Variants in DTNBP1 observed in about 807,000 individuals in gnomAD.
The protein encoded by DTNBP1 is dysbindin.
In DTNBP1, 35 loss-of-function variants were observed where a neutral mutation model predicts 42.8. The observed-to-expected ratio is 0.82, with a 90% CI of 0.63 to 1.09. DTNBP1 has a LOEUF of 1.09. DTNBP1 is among the 50% of genes least tolerant of loss of function. The pLI, the probability that DTNBP1 is intolerant of heterozygous loss-of-function variation, is 0.00. For missense variants in DTNBP1, 457 were observed against 424.2 expected (o/e 1.08, Z -0.68); for synonymous variants, 171 against 162.2 (o/e 1.05, Z -0.41).
intron 7 of DTNBP1, among the ~76,000 whole-genome samples, chr6:15,576,717 C>A (rs1168826394): frequency 6.8e-6 from 1 of 147,270 alleles, no homozygotes; most frequent in South Asian, 2.2e-4. Context: ...TGCAGTGAGC[C>A]GAGATCACAC....
At position 15,647,675 on chromosome 6, in the gene DTNBP1, A is replaced by G. The variant is rs141642240; in HGVS notation, c.161+3638T>C. On this transcript the variant is annotated intron_variant, in intron 3 of 9. Coordinates refer to ENST00000344537, the MANE Select transcript of DTNBP1 (RefSeq NM_032122.5). ...AGTGCTATGAACAATGTATGCTAAC[A>G]AACTGTATAACCTAGCTGAAGTGGA... Among the ~76,000 whole-genome samples, 404 of 152,024 alleles carry G rather than the reference A, an allele frequency of 2.7e-3. 3 individuals carry two copies. The highest frequency in any genetic ancestry group is 9.6e-3 in the African/African-American group (397 of 41,544).
At chr6:15,592,688 C>T (rs1037471619) in intron 7 of DTNBP1, among the ~76,000 whole-genome samples, 3 of 152,160 alleles carry the variant, frequency 2.0e-5, no homozygotes, top group African/African-American at 7.2e-5. Context: ...TCAGGAGGTT[C>T]GAGTGACTGC....
intron 3 of DTNBP1, among the ~76,000 whole-genome samples, chr6:15,643,513 A>T (rs974388987): frequency 6.6e-6 from 1 of 152,160 alleles, no homozygotes; most frequent in Admixed American, 6.5e-5. Context: ...TCAACATGAA[A>T]GCAAAAATCA....
intron 7 of DTNBP1, among the ~76,000 whole-genome samples, chr6:15,542,082 T>G (rs1173082332): frequency 6.6e-6 from 1 of 152,206 alleles, no homozygotes; most frequent in African/African-American, 2.4e-5. Flanking sequence ...TAAATAAGAC[T>G]AAGAATAAAC....
Position 15,522,822 on chromosome 6 carries a change from C to CT in DTNBP1, c.*152dup. The stretch of plus-strand genomic sequence containing the variant: ...GCGCTCTCAGTTTACCGTCCTCACA[C>CT]TTTATTGTTAGCTGTTCTTTAAGTT... On this transcript the variant is annotated 3_prime_UTR_variant, in exon 10 of 10. Transcript: ENST00000344537. 7.3e-7 allele frequency: 1 copy of CT among 1,375,406 alleles called. No homozygotes were observed. The highest frequency in any genetic ancestry group is 1.0e-6 in the Non-Finnish European group (1 of 987,500). The allele number at this position is 1,375,406 out of a possible 1,614,324, so 85.2% of individuals were successfully genotyped here.
In DTNBP1 at chr6:15,548,474, CACACA is replaced by C. The variant is rs1561951631; in HGVS notation, c.512-15084_512-15080del. 7.9e-5 allele frequency: 12 copies of C among 151,766 alleles called. No homozygotes were observed. In the South Asian group the frequency reaches 8.4e-4, roughly 11 times the overall value. The allele number at this position is 151,766 out of a possible 1,614,324, so 9.4% of individuals were successfully genotyped here. The stretch of plus-strand genomic sequence containing the variant: ...ACACACACACACACACACACACACA[CACACA>C]CACCACAATTCTTCCCATGTATAAC... On this transcript the variant is annotated intron_variant, in intron 7 of 9. Coordinates refer to ENST00000344537, the MANE Select transcript of DTNBP1 (RefSeq NM_032122.5).
At chr6:15,660,508 C>T in intron 1 of DTNBP1, 3 of 1,289,764 alleles carry the variant, frequency 2.3e-6, no homozygotes, top group Non-Finnish European at 3.0e-6. Flanking sequence ...AGTGGTTTGT[C>T]AGCTGAAAGT....
intron 5 of DTNBP1, among the ~76,000 whole-genome samples, chr6:15,617,747 T>C (rs962624459): frequency 2.0e-5 from 3 of 152,170 alleles, no homozygotes; most frequent in African/African-American, 7.2e-5. Context: ...AAGACTTAAA[T>C]GTAAGAGCTG....
chr6:15,561,550 G>A (rs1260781402), intron 7 of DTNBP1, among the ~76,000 whole-genome samples: 3 of 152,152 alleles, frequency 2.0e-5, no homozygotes, highest in East Asian at 3.9e-4. Flanking sequence ...ATAGTTGGGC[G>A]GGAATATCAT....
intron 6 of DTNBP1, among the ~76,000 whole-genome samples, chr6:15,612,571 A>C (rs918074684): frequency 1.3e-5 from 2 of 152,266 alleles, no homozygotes; most frequent in African/African-American, 4.8e-5. Context: ...TTATAGCTGC[A>C]CAAGTAATAA....
chr6:15,524,493 C>T, intron 9 of DTNBP1, 33 bp downstream of exon 9: 1 of 1,610,364 alleles, frequency 6.2e-7, no homozygotes, highest in Middle Eastern at 1.7e-4. Flanking sequence ...CGATACTGCC[C>T]TGGTTCAGCT....
rs149346386 is a variant in DTNBP1 at position 15,615,340 on chromosome 6, A to G, written c.415T>C (p.Cys139Arg). The change falls in exon 6 of 10, where the codon TGT becomes CGT. Residue 139 changes from cysteine to arginine, a missense_variant. By Grantham distance (180) the Cys-to-Arg change is radical. Coordinates refer to ENST00000344537, the MANE Select transcript of DTNBP1 (RefSeq NM_032122.5). ...CATCTTTCTAATTCACACTGCCCACATAAGTCTTCCAGATGCAGCAGGTTG... is the reference window on the plus strand; with the variant it reads ...CATCTTTCTAATTCACACTGCCCACGTAAGTCTTCCAGATGCAGCAGGTTG... ...ENNLLHLEDL[C>R]GQCELERCKH... 24 of 1,614,040 alleles carry G rather than the reference A, an allele frequency of 1.5e-5. No individual in the cohort carries two copies. The African/African-American group carries it at 2.3e-4, about 15-fold the overall frequency.
chr6:15,547,421 G>A (rs190062060), intron 7 of DTNBP1, among the ~76,000 whole-genome samples: 3 of 152,212 alleles, frequency 2.0e-5, no homozygotes, highest in Admixed American at 2.0e-4. Flanking sequence ...GAGAACCACT[G>A]CTCTAGACGA....
At chr6:15,655,700 T>G (rs572504148) in intron 1 of DTNBP1, among the ~76,000 whole-genome samples, 5 of 151,828 alleles carry the variant, frequency 3.3e-5, no homozygotes, top group African/African-American at 1.2e-4. Flanking sequence ...TAGTCATCTT[T>G]TTGCCTGCTA....
intron 1 of DTNBP1, among the ~76,000 whole-genome samples, chr6:15,658,073 G>A (rs1015996957): frequency 6.6e-6 from 1 of 152,152 alleles, no homozygotes; most frequent in Non-Finnish European, 1.5e-5. Context: ...GGCATCTGGT[G>A]GACAGAGACT....
intron 7 of DTNBP1, among the ~76,000 whole-genome samples, chr6:15,575,856 G>A (rs1775538320): frequency 6.6e-6 from 1 of 152,186 alleles, no homozygotes; most frequent in Non-Finnish European, 1.5e-5. Flanking sequence ...GCCCTGTGAG[G>A]TGAAGAGCAT....
Position 15,577,614 on chromosome 6 carries a change from C to T in DTNBP1, c.511+15445G>A, listed in dbSNP as rs144186052. ...TGGAGAAGACAGAAGAGCCAAGAAGCAGGCAGGATGAGACTCAAGACTGCA... is the reference window on the plus strand; with the variant it reads ...TGGAGAAGACAGAAGAGCCAAGAAGTAGGCAGGATGAGACTCAAGACTGCA... On this transcript the variant is annotated intron_variant, in intron 7 of 9. Coordinates refer to ENST00000344537, the MANE Select transcript of DTNBP1 (RefSeq NM_032122.5). Among the ~76,000 whole-genome samples, 3 of 152,304 alleles carry T rather than the reference C, an allele frequency of 2.0e-5. No homozygotes were observed. In the East Asian group the frequency reaches 5.8e-4, roughly 29 times the overall value.
intron 6 of DTNBP1, among the ~76,000 whole-genome samples, chr6:15,594,409 A>C (rs1776420574): frequency 6.6e-6 from 1 of 151,792 alleles, no homozygotes; most frequent in African/African-American, 2.4e-5. Flanking sequence ...AGTTAGCAAC[A>C]AGCCAAGATC....
At chr6:15,613,451 G>A (rs1339770208) in intron 6 of DTNBP1, among the ~76,000 whole-genome samples, 1 of 135,138 alleles carries the variant, frequency 7.4e-6, no homozygotes, top group Non-Finnish European at 1.5e-5. Flanking sequence ...ACTGCAAGCT[G>A]CGCCTCCCGG....
Sources: gnomAD v4.1 joint callset for allele counts (sites outside exome capture counted in the v4.1 genomes callset) on GRCh38, gnomAD v4.1.1 for gene constraint, MANE v1.5 for transcripts, NCBI Gene and HGNC (gene_info 2026-07-23, HGNC 2026-07-21) for gene names.